The following QTMAN variants were observed in gnomAD, a reference collection of about 807,000 sequenced individuals.
QTMAN encodes the protein tRNA-queuosine alpha-mannosyltransferase.
the QTMAN span, among the ~76,000 whole-genome samples, chr2:144,113,116 GC>G: frequency 1.3e-5 from 2 of 152,060 alleles, no homozygotes; most frequent in Admixed American, 6.6e-5. Flanking sequence ...ATTAGAAAAG[GC>G]AATCGACAGA....
chr2:143,969,746 G>A, the QTMAN span, among the ~76,000 whole-genome samples: 2 of 152,144 alleles, frequency 1.3e-5, no homozygotes, highest in African/African-American at 2.4e-5. Flanking sequence ...GAAGCCTGGT[G>A]TCTTAGGAGA....
chr2:144,210,764 A>G, the QTMAN span: 1 of 152,182 alleles, frequency 6.6e-6, no homozygotes, highest in Non-Finnish European at 1.5e-5. Context: ...GGCAATTTTG[A>G]AAATTATACC....
At chr2:144,002,609 T>A in the QTMAN span, among the ~76,000 whole-genome samples, 1 of 152,002 alleles carries the variant, frequency 6.6e-6, no homozygotes, top group Non-Finnish European at 1.5e-5. Flanking sequence ...TATGATTTTT[T>A]AAAATTGTAT....
the QTMAN span, among the ~76,000 whole-genome samples, chr2:143,974,240 G>A: frequency 1.3e-5 from 2 of 152,098 alleles, no homozygotes; most frequent in African/African-American, 4.8e-5. Context: ...TCCACTGCTG[G>A]TAGGAATATA....
the QTMAN span, among the ~76,000 whole-genome samples, chr2:143,949,855 A>G: frequency 0.039 from 5,919 of 151,644 alleles, 388 homozygotes; most frequent in African/African-American, 0.14. Flanking sequence ...TTTCTGTTTT[A>G]GCTTTAAATC....
chr2:144,326,586 C>CAAAA, the QTMAN span, among the ~76,000 whole-genome samples: 5 of 43,710 alleles, frequency 1.1e-4, no homozygotes, highest in African/African-American at 1.7e-4. Context: ...GACTCCATCT[C>CAAAA]AAAAAAAAAA....
At chr2:144,051,102 C>T in the QTMAN span, among the ~76,000 whole-genome samples, 1 of 152,074 alleles carries the variant, frequency 6.6e-6, no homozygotes, top group Non-Finnish European at 1.5e-5. Flanking sequence ...CATTTATTTC[C>T]TCATGACCTT....
the QTMAN span, among the ~76,000 whole-genome samples, chr2:144,329,953 A>G: frequency 6.6e-6 from 1 of 152,240 alleles, no homozygotes; most frequent in Non-Finnish European, 1.5e-5. Flanking sequence ...GCCTACCAGG[A>G]AAGTGCGCAC....
the QTMAN span, among the ~76,000 whole-genome samples, chr2:144,318,462 T>C: frequency 2.6e-4 from 39 of 152,180 alleles, 1 homozygote; most frequent in Admixed American, 2.6e-3. Flanking sequence ...GTCTTTCAGT[T>C]ACAGGCATTG....
At chr2:144,273,861 C>A in the QTMAN span, among the ~76,000 whole-genome samples, 1 of 152,106 alleles carries the variant, frequency 6.6e-6, no homozygotes, top group Non-Finnish European at 1.5e-5. Context: ...TATGGCCGGG[C>A]GCGGTGGCTC....
At chr2:143,952,682 G>C in the QTMAN span, 2 of 923,882 alleles carry the variant, frequency 2.2e-6, no homozygotes, top group Non-Finnish European at 3.5e-6. Flanking sequence ...ATAAACAATT[G>C]CTCCTGCCTA....
At chr2:144,279,243 AG>A in the QTMAN span, among the ~76,000 whole-genome samples, 1 of 152,138 alleles carries the variant, frequency 6.6e-6, no homozygotes, top group Non-Finnish European at 1.5e-5. Flanking sequence ...ATATAACTTC[AG>A]CAGTCCAGGC....
the QTMAN span, among the ~76,000 whole-genome samples, chr2:144,008,026 C>T: frequency 6.6e-6 from 1 of 152,070 alleles, no homozygotes; most frequent in Non-Finnish European, 1.5e-5. Flanking sequence ...GCTAATGTTT[C>T]CTGAAGTATA....
chr2:144,299,394 C>A, the QTMAN span, among the ~76,000 whole-genome samples: 1 of 152,158 alleles, frequency 6.6e-6, no homozygotes, highest in East Asian at 1.9e-4. Context: ...GATATAGAAG[C>A]ATGTGTTGAA....
At chr2:143,962,640 G>C in the QTMAN span, among the ~76,000 whole-genome samples, 1 of 152,126 alleles carries the variant, frequency 6.6e-6, no homozygotes, top group African/African-American at 2.4e-5. Context: ...CAAGGGCCCA[G>C]AAGAAAAGGG....
the QTMAN span, among the ~76,000 whole-genome samples, chr2:144,308,198 G>A: frequency 6.7e-3 from 864 of 128,898 alleles, 3 homozygotes; most frequent in Non-Finnish European, 9.7e-3. Context: ...ACAGAGTCTC[G>A]CACTGTCACC....
the QTMAN span, among the ~76,000 whole-genome samples, chr2:144,195,628 G>A: frequency 2.0e-5 from 3 of 152,128 alleles, no homozygotes; most frequent in Non-Finnish European, 4.4e-5. Flanking sequence ...TATGTCTTAT[G>A]TGTATGTGTA....
the QTMAN span, among the ~76,000 whole-genome samples, chr2:144,068,468 T>C: frequency 6.6e-6 from 1 of 152,232 alleles, no homozygotes; most frequent in Non-Finnish European, 1.5e-5. Context: ...TATGTCAGAA[T>C]GTATTTTAAA....
the QTMAN span, among the ~76,000 whole-genome samples, chr2:144,332,969 C>G: frequency 2.0e-5 from 3 of 152,202 alleles, no homozygotes; most frequent in African/African-American, 4.8e-5. Flanking sequence ...CATCTCCTTT[C>G]CTGGTCCACT....
Sources: gnomAD v4.1 joint callset for allele counts (sites outside exome capture counted in the v4.1 genomes callset) on GRCh38, gnomAD v4.1.1 for gene constraint, MANE v1.5 for transcripts, NCBI Gene and HGNC (gene_info 2026-07-23, HGNC 2026-07-21) for gene names.